Variants in ITGA1 observed in about 807,000 individuals in gnomAD.
ITGA1 encodes the protein integrin subunit alpha 1.
A neutral mutation model predicts 145.9 loss-of-function variants in ITGA1; 85 were observed. The observed-to-expected ratio is 0.58, with a 90% CI of 0.49 to 0.70. The LOEUF is 0.70. Among genes scored for constraint, ITGA1 ranks in the 30% least tolerant of loss-of-function variants. The pLI is 0.00. For missense variants in ITGA1, 1,351 were observed against 1,418.7 expected, an observed-to-expected ratio of 0.95 and a Z score of 0.77; for synonymous variants, 520 against 495.3, an observed-to-expected ratio of 1.05 and a Z score of -0.66.
intron 1 of ITGA1, among the ~76,000 whole-genome samples, chr5:52,792,742 C>T (rs906067981): frequency 2.0e-5 from 3 of 152,054 alleles, no homozygotes; most frequent in Non-Finnish European, 4.4e-5. Flanking sequence ...TATTCTTTAC[C>T]TACACTTCTC....
intron 1 of ITGA1, chr5:52,800,127 CGGGAACTGTGTA>C: frequency 2.3e-6 from 1 of 429,862 alleles, no homozygotes; most frequent in Non-Finnish European, 4.2e-6. Flanking sequence ...GTGCTGCCAG[CGGGAACTGTGTA>C]GGGGTAGATT....
chr5:52,885,269 C>CA (rs1361875835), intron 7 of ITGA1, among the ~76,000 whole-genome samples: 1 of 152,132 alleles, frequency 6.6e-6, no homozygotes, highest in Non-Finnish European at 1.5e-5. Flanking sequence ...TCTAGCCCCT[C>CA]AATCTTTCCT....
At chr5:52,907,836 C>T (rs550324707) in intron 12 of ITGA1, among the ~76,000 whole-genome samples, 2 of 152,238 alleles carry the variant, frequency 1.3e-5, no homozygotes, top group South Asian at 4.1e-4. Flanking sequence ...GCAAGATCTT[C>T]TATTTTATTT....
intron 11 of ITGA1, among the ~76,000 whole-genome samples, chr5:52,900,928 T>C (rs1750304554): frequency 6.6e-6 from 1 of 152,240 alleles, no homozygotes; most frequent in South Asian, 2.1e-4. Flanking sequence ...TGTGTAATGT[T>C]ATATAATAAA....
At position 52,881,865 on chromosome 5, in the gene ITGA1, T is replaced by C. The variant is rs1749965585; in HGVS notation, c.625-8T>C. The C allele has an allele frequency of 7.5e-6, 12 of 1,601,510 alleles. No individual in the cohort carries two copies. The highest frequency in any genetic ancestry group is 1.0e-5 in the Non-Finnish European group (12 of 1,173,806). Reference sequence around the variant, plus strand: ...TGACGTATAACTCACAGTGGCTTGGTATTTCAGGTTGGAATTGTACAGTAT... The same window carrying C: ...TGACGTATAACTCACAGTGGCTTGGCATTTCAGGTTGGAATTGTACAGTAT... On this transcript the variant is annotated splice_polypyrimidine_tract_variant and splice_region_variant and intron_variant, in intron 6 of 28. Transcript: ENST00000282588.
chr5:52,925,509 T>C (rs750293012), intron 19 of ITGA1, 22 bp downstream of exon 19: 1 of 1,545,646 alleles, frequency 6.5e-7, no homozygotes, highest in Non-Finnish European at 8.9e-7. Context: ...GTTTTTCATT[T>C]ATTTGTTCTC....
At chr5:52,897,330 C>A in intron 9 of ITGA1, 125 bp from the exon 10 acceptor site, 1 of 656,332 alleles carries the variant, frequency 1.5e-6, no homozygotes, top group Non-Finnish European at 2.6e-6. Context: ...GCTGAAAATG[C>A]CCTAAGATGT....
At chr5:52,788,636 A>T (rs1748177662) in intron 1 of ITGA1, among the ~76,000 whole-genome samples, 1 of 152,164 alleles carries the variant, frequency 6.6e-6, no homozygotes, top group Non-Finnish European at 1.5e-5. Context: ...TCACCCTAGG[A>T]GTAGGAGTGA....
intron 1 of ITGA1, chr5:52,800,793 G>T (rs771365583): frequency 1.2e-6 from 2 of 1,613,250 alleles, no homozygotes; most frequent in Non-Finnish European, 1.7e-6. Flanking sequence ...ACCCAGCCTG[G>T]AGCGCTGATG....
intron 1 of ITGA1, among the ~76,000 whole-genome samples, chr5:52,846,247 A>T (rs1330158365): frequency 2.0e-5 from 3 of 152,076 alleles, no homozygotes; most frequent in Non-Finnish European, 2.9e-5. Context: ...CTAAAAATAT[A>T]AAAAAATTAG....
At chr5:52,871,501 G>A (rs898000627) in intron 6 of ITGA1, among the ~76,000 whole-genome samples, 1 of 151,948 alleles carries the variant, frequency 6.6e-6, no homozygotes, top group African/African-American at 2.4e-5. Context: ...GATTGAATAT[G>A]ATTCCTATTC....
At chr5:52,857,450 C>G (rs1045005785) in intron 2 of ITGA1, among the ~76,000 whole-genome samples, 3 of 151,874 alleles carry the variant, frequency 2.0e-5, no homozygotes, top group Non-Finnish European at 4.4e-5. Flanking sequence ...ATCTCAAGCC[C>G]TTAATGGTTT....
chr5:52,865,877 A>G lies in ITGA1; in HGVS notation c.624+60A>G, dbSNP rs1425739198. ...AAAGATAAAAATGCACAAATTTTTA[A>G]TAAAACCAAATATTCTGAAAGCAAA... On this transcript the variant is annotated intron_variant, in intron 6 of 28. Coordinates refer to ENST00000282588, the MANE Select transcript of ITGA1 (RefSeq NM_181501.2). The G allele has an allele frequency of 3.7e-6, 5 of 1,343,710 alleles. No individual in the cohort carries two copies. The African/African-American group carries it at 7.6e-5, about 20-fold the overall frequency. 83.2% of individuals were successfully genotyped at this position (1,343,710 alleles called of 1,614,324 possible).
chr5:52,832,963 G>T (rs188958669), intron 1 of ITGA1, among the ~76,000 whole-genome samples: 3 of 152,104 alleles, frequency 2.0e-5, no homozygotes, highest in South Asian at 4.1e-4. Flanking sequence ...AAGCCAAGGT[G>T]TGTAGATCAT....
chr5:52,884,627 G>A (rs79556889), intron 7 of ITGA1, among the ~76,000 whole-genome samples: 4,036 of 152,254 alleles, frequency 0.027, 200 homozygotes, highest in African/African-American at 0.093. Context: ...GGCATTTATA[G>A]TCAAGGAACA....
chr5:52,898,672 C>T (rs1005797861), intron 11 of ITGA1, among the ~76,000 whole-genome samples: 2 of 152,042 alleles, frequency 1.3e-5, no homozygotes, highest in Non-Finnish European at 2.9e-5. Flanking sequence ...CTGGTATCAA[C>T]TTTAACTTCA....
At chr5:52,842,257 T>C (rs942015864) in intron 1 of ITGA1, among the ~76,000 whole-genome samples, 3 of 152,178 alleles carry the variant, frequency 2.0e-5, no homozygotes, top group African/African-American at 4.8e-5. Flanking sequence ...AATGGTGTCA[T>C]CTGTACTCCT....
intron 8 of ITGA1, among the ~76,000 whole-genome samples, chr5:52,893,212 A>G (rs1344730765): frequency 2.0e-5 from 3 of 152,154 alleles, no homozygotes; most frequent in Non-Finnish European, 4.4e-5. Flanking sequence ...TGTGTTTAAA[A>G]TATATATGTG....
Position 52,888,481 on chromosome 5 carries a change from G to A in ITGA1, c.924+516G>A, listed in dbSNP as rs10066965. Among the ~76,000 whole-genome samples the A allele has an allele frequency of 2.4e-3, 368 of 152,240 alleles. 2 individuals carry two copies. The highest frequency in any genetic ancestry group is 8.6e-3 in the African/African-American group (356 of 41,542). ...TCCCCCATCACTTAGCTAAAGTGGG[G>A]GAAAGTGCCAGTTGTCTCTGTTTAA... On this transcript the variant is annotated intron_variant, in intron 8 of 28. Coordinates refer to ENST00000282588, the MANE Select transcript of ITGA1 (RefSeq NM_181501.2).
Sources: gnomAD v4.1 joint callset for allele counts (sites outside exome capture counted in the v4.1 genomes callset) on GRCh38, gnomAD v4.1.1 for gene constraint, MANE v1.5 for transcripts, NCBI Gene and HGNC (gene_info 2026-07-23, HGNC 2026-07-21) for gene names.